PSD3: variants seen among roughly 807,000 people sequenced by gnomAD.
PSD3 encodes the protein PH and SEC7 domain-containing protein 3.
PSD3 carries 49 observed loss-of-function variants against 105.5 expected under a neutral mutation model. The ratio of observed to expected loss-of-function variants is 0.46; its 90% CI spans 0.37 to 0.59. The LOEUF (loss-of-function observed/expected upper bound fraction) is 0.59. PSD3 is among the 20% of genes least tolerant of loss of function. The probability of loss-of-function intolerance (pLI) is 0.00; values close to 1 mark genes in which losing one functional copy is unlikely to be tolerated. For synonymous variants in PSD3, 557 were observed against 457.8 expected (o/e 1.22, Z -2.77); for missense variants, 1,561 against 1,263.8 (o/e 1.24, Z -3.57).
At chr8:18,704,619 C>T (rs1435949781) in intron 9 of PSD3, among the ~76,000 whole-genome samples, 8 of 152,142 alleles carry the variant, frequency 5.3e-5, no homozygotes, top group Admixed American at 2.0e-4. Context: ...GGATTACAGG[C>T]GTGAGCCACC....
intron 2 of PSD3, among the ~76,000 whole-genome samples, chr8:18,907,514 T>C (rs916001072): frequency 2.6e-5 from 4 of 152,164 alleles, no homozygotes; most frequent in African/African-American, 4.8e-5. Context: ...ACCTTTTAAA[T>C]GTTTAGATAT....
chr8:19,035,671 A>G (rs1314543627), intron 1 of PSD3, among the ~76,000 whole-genome samples: 1 of 151,420 alleles, frequency 6.6e-6, no homozygotes, highest in African/African-American at 2.4e-5. Context: ...CCAAATTTTA[A>G]CCAACATTAT....
chr8:18,727,849 C>A (rs1287973661), intron 9 of PSD3, among the ~76,000 whole-genome samples: 1 of 152,088 alleles, frequency 6.6e-6, no homozygotes, highest in Admixed American at 6.5e-5. Flanking sequence ...TGTAACATAT[C>A]CCACCCATCG....
At chr8:18,605,410 G>C (rs982360611) in intron 11 of PSD3, among the ~76,000 whole-genome samples, 2 of 152,118 alleles carry the variant, frequency 1.3e-5, no homozygotes, top group Admixed American at 6.5e-5. Flanking sequence ...TTTGGAATGG[G>C]AATATTTTCC....
rs200026319 is a variant in PSD3, at chr8:18,617,271, CTG to C, written c.2410+15340_2410+15341del. Among the ~76,000 whole-genome samples the C allele has an allele frequency of 9.8e-3, 1,498 of 152,236 alleles. 20 individuals are homozygous for C. Among genetic ancestry groups the C allele is most frequent in the African/African-American group, 0.033 (1,379 of 41,522 alleles). On this transcript the variant is annotated intron_variant, in intron 11 of 15. Transcript: ENST00000327040. ...ACTGGCCGGGCATGGTCGCTCATAC[CTG>C]TAATCCCACCATTTTGGGAGGCTGA...
chr8:18,605,869 C>T (rs922724776), intron 11 of PSD3, among the ~76,000 whole-genome samples: 2 of 152,142 alleles, frequency 1.3e-5, no homozygotes, highest in African/African-American at 4.8e-5. Flanking sequence ...AAGTGGTGCT[C>T]CCCCTTTACC....
chr8:18,552,455 G>A (rs1800824962), intron 15 of PSD3, among the ~76,000 whole-genome samples: 1 of 152,186 alleles, frequency 6.6e-6, no homozygotes. Context: ...CTGCATTGCT[G>A]TCAAGGGAAT....
At chr8:19,003,772 T>C (rs981683402) in intron 1 of PSD3, among the ~76,000 whole-genome samples, 1 of 151,890 alleles carries the variant, frequency 6.6e-6, no homozygotes, top group Non-Finnish European at 1.5e-5. Context: ...ACTTGGGTTG[T>C]CTTGGATCAA....
At chr8:18,878,577 G>A (rs762863375) in intron 2 of PSD3, among the ~76,000 whole-genome samples, 32 of 152,046 alleles carry the variant, frequency 2.1e-4, no homozygotes, top group East Asian at 5.8e-4. Flanking sequence ...ACATACACAC[G>A]CTCCTTTGCC....
intron 12 of PSD3, among the ~76,000 whole-genome samples, chr8:18,594,557 G>C (rs1195449852): frequency 6.8e-6 from 1 of 147,874 alleles, no homozygotes; most frequent in Admixed American, 7.0e-5. Context: ...AAAGGCTAAA[G>C]GGAGTTCAAC....
intron 1 of PSD3, among the ~76,000 whole-genome samples, chr8:19,012,175 T>C (rs1380789547): frequency 6.6e-6 from 1 of 151,726 alleles, no homozygotes; most frequent in African/African-American, 2.4e-5. Context: ...CTACTCCTTT[T>C]AGTACAAAAA....
chr8:18,668,599 TCAGA>T (rs1457137584), intron 9 of PSD3, among the ~76,000 whole-genome samples: 2 of 152,334 alleles, frequency 1.3e-5, no homozygotes, highest in South Asian at 2.1e-4. Context: ...GCTGGGTATC[TCAGA>T]CAGGTCTTTC....
At chr8:18,545,627 C>T (rs907462113) in intron 15 of PSD3, among the ~76,000 whole-genome samples, 2 of 152,196 alleles carry the variant, frequency 1.3e-5, no homozygotes, top group African/African-American at 4.8e-5. Flanking sequence ...TTAAGTTTTT[C>T]CCTATGTAAT....
At chr8:18,848,818 GGTT>G (rs1815333129) in intron 4 of PSD3, among the ~76,000 whole-genome samples, 4 of 152,180 alleles carry the variant, frequency 2.6e-5, no homozygotes, top group Admixed American at 6.5e-5. Context: ...TTATGGTCTA[GGTT>G]GTTTATTGTC....
rs557314887 is a variant in PSD3 at position 18,855,989 on chromosome 8, G to A, written c.1634+11685C>T. 2.6e-5 allele frequency among the ~76,000 whole-genome samples: 4 copies of A among 152,276 alleles called. No homozygotes were observed. In the East Asian group the frequency reaches 5.8e-4, roughly 22 times the overall value. On this transcript the variant is annotated intron_variant, in intron 4 of 15. Transcript: ENST00000327040. ...CTTTGAGTGCAGCAACACCTGTTCAGTCTGGACAATTAACAGAACAGGGGG... is the reference window on the plus strand; with the variant it reads ...CTTTGAGTGCAGCAACACCTGTTCAATCTGGACAATTAACAGAACAGGGGG...
intron 15 of PSD3, among the ~76,000 whole-genome samples, chr8:18,554,803 T>C (rs1458445183): frequency 6.6e-6 from 1 of 152,118 alleles, no homozygotes; most frequent in Non-Finnish European, 1.5e-5. Context: ...TCCCAGCTAG[T>C]ATATCTGGAT....
At chr8:18,672,214 AT>A (rs1799824207) in intron 9 of PSD3, among the ~76,000 whole-genome samples, 1 of 152,152 alleles carries the variant, frequency 6.6e-6, no homozygotes, top group Admixed American at 6.5e-5. Context: ...TATATGCAAT[AT>A]TTTTTAAGTA....
chr8:19,021,096 T>TA (rs1827347786), intron 1 of PSD3, among the ~76,000 whole-genome samples: 1 of 152,088 alleles, frequency 6.6e-6, no homozygotes, highest in Admixed American at 6.6e-5. Context: ...GAGGAGAGCC[T>TA]AATGCACTCC....
chr8:18,977,422 A>G (rs1419487664), intron 1 of PSD3, among the ~76,000 whole-genome samples: 1 of 152,152 alleles, frequency 6.6e-6, no homozygotes, highest in African/African-American at 2.4e-5. Context: ...TGGGGATTAA[A>G]GGAGCTAACA....
Sources: gnomAD v4.1 joint callset for allele counts (sites outside exome capture counted in the v4.1 genomes callset) on GRCh38, gnomAD v4.1.1 for gene constraint, MANE v1.5 for transcripts, NCBI Gene and HGNC (gene_info 2026-07-23, HGNC 2026-07-21) for gene names.